The following PARD3B variants were observed in gnomAD, a reference collection of about 807,000 sequenced individuals.
PARD3B encodes par-3 family cell polarity regulator beta.
Under a neutral mutation model 130.2 loss-of-function variants are expected in PARD3B, and 103 were observed. The ratio of observed to expected loss-of-function variants is 0.79; its 90% CI spans 0.67 to 0.93. The LOEUF (loss-of-function observed/expected upper bound fraction) is 0.93. Ranked by LOEUF, PARD3B falls within the 40% of genes least tolerant of loss-of-function variation. The probability of loss-of-function intolerance (pLI) is 0.00; values close to 1 mark genes in which losing one functional copy is unlikely to be tolerated. For synonymous variants in PARD3B, 583 were observed against 553.2 expected (o/e 1.05, Z -0.76); for missense variants, 1,609 against 1,499.2 (o/e 1.07, Z -1.21).
chr2:205,273,236 C>CA (rs1237707529), intron 16 of PARD3B, among the ~76,000 whole-genome samples: 13 of 152,180 alleles, frequency 8.5e-5, no homozygotes, highest in African/African-American at 2.9e-4. Context: ...GCTAACTATT[C>CA]ATATATACAA....
At chr2:204,955,712 A>G (rs1356070654) in intron 2 of PARD3B, among the ~76,000 whole-genome samples, 1 of 152,212 alleles carries the variant, frequency 6.6e-6, no homozygotes, top group Non-Finnish European at 1.5e-5. Flanking sequence ...AAAATAATAC[A>G]TTTCAGCACT....
chr2:204,643,829 T>C (rs968686434), intron 1 of PARD3B, among the ~76,000 whole-genome samples: 1 of 152,198 alleles, frequency 6.6e-6, no homozygotes, highest in African/African-American at 2.4e-5. Flanking sequence ...AGTTCATATA[T>C]GCAGTGCTTT....
intron 3 of PARD3B, among the ~76,000 whole-genome samples, chr2:205,030,421 GT>G (rs977792856): frequency 2.6e-5 from 4 of 152,050 alleles, no homozygotes; most frequent in Non-Finnish European, 4.4e-5. Flanking sequence ...TTAGAGATAG[GT>G]CCACCAGTCA....
At chr2:205,306,723 G>C (rs1479472840) in intron 18 of PARD3B, among the ~76,000 whole-genome samples, 1 of 152,180 alleles carries the variant, frequency 6.6e-6, no homozygotes, top group African/African-American at 2.4e-5. Flanking sequence ...TTTATCTTCT[G>C]TGTAAAAATA....
intron 2 of PARD3B, among the ~76,000 whole-genome samples, chr2:204,785,296 T>A (rs1306940452): frequency 6.6e-6 from 1 of 152,144 alleles, no homozygotes; most frequent in African/African-American, 2.4e-5. Flanking sequence ...TATAAATGCA[T>A]CTGTTCCCCG....
chr2:204,864,741 G>C (rs2045343696), intron 2 of PARD3B, among the ~76,000 whole-genome samples: 1 of 152,126 alleles, frequency 6.6e-6, no homozygotes, highest in Non-Finnish European at 1.5e-5. Context: ...GACATTGTCT[G>C]ATTTTCTTAC....
intron 1 of PARD3B, among the ~76,000 whole-genome samples, chr2:204,666,899 A>G: frequency 6.6e-6 from 1 of 152,182 alleles, no homozygotes; most frequent in East Asian, 1.9e-4. Flanking sequence ...AAACAGAGAT[A>G]TGGAAAAGTA....
At chr2:204,629,215 C>G (rs1474533404) in intron 1 of PARD3B, among the ~76,000 whole-genome samples, 1 of 152,136 alleles carries the variant, frequency 6.6e-6, no homozygotes, top group Admixed American at 6.6e-5. Context: ...CCTATAGAAA[C>G]TTTAAGTGGA....
intron 13 of PARD3B, among the ~76,000 whole-genome samples, chr2:205,182,146 G>T (rs1433005976): frequency 6.6e-6 from 1 of 152,102 alleles, no homozygotes; most frequent in Non-Finnish European, 1.5e-5. Flanking sequence ...CAAAAAATTA[G>T]CTGGGCTTGG....
intron 2 of PARD3B, among the ~76,000 whole-genome samples, chr2:204,795,905 G>A (rs1331571207): frequency 6.6e-6 from 1 of 151,966 alleles, no homozygotes; most frequent in African/African-American, 2.4e-5. Context: ...TATGAATCCT[G>A]TCATTTTTGT....
At chr2:204,700,275 A>G (rs2037828019) in intron 2 of PARD3B, among the ~76,000 whole-genome samples, 1 of 152,104 alleles carries the variant, frequency 6.6e-6, no homozygotes. Flanking sequence ...CAGCTATAGC[A>G]TCTGATAGCC....
At chr2:205,037,769 G>T (rs1343148470) in intron 3 of PARD3B, among the ~76,000 whole-genome samples, 2 of 151,810 alleles carry the variant, frequency 1.3e-5, no homozygotes. Flanking sequence ...CCAATGGGAG[G>T]AAGAGTAGTA....
intron 5 of PARD3B, among the ~76,000 whole-genome samples, chr2:205,111,770 A>T (rs1000337011): frequency 6.6e-6 from 1 of 152,060 alleles, no homozygotes; most frequent in Non-Finnish European, 1.5e-5. Context: ...AAAACTATAA[A>T]AATATGTTAC....
chr2:204,984,704 G>C (rs1692978432), intron 3 of PARD3B, among the ~76,000 whole-genome samples: 1 of 152,020 alleles, frequency 6.6e-6, no homozygotes, highest in African/African-American at 2.4e-5. Context: ...TGGTTAGGAG[G>C]AGAAGGGCCA....
intron 2 of PARD3B, among the ~76,000 whole-genome samples, chr2:204,964,023 G>A (rs1306907458): frequency 6.6e-6 from 1 of 152,210 alleles, no homozygotes; most frequent in Non-Finnish European, 1.5e-5. Context: ...CTGCATTTCT[G>A]TTATTAATAA....
At chr2:205,358,654 G>T (rs1356497791) in intron 18 of PARD3B, among the ~76,000 whole-genome samples, 1 of 152,114 alleles carries the variant, frequency 6.6e-6, no homozygotes, top group Non-Finnish European at 1.5e-5. Context: ...CTTATTCTCA[G>T]ATTTAACCCT....
At chr2:204,630,952 GTCT>G (rs2034658480) in intron 1 of PARD3B, among the ~76,000 whole-genome samples, 1 of 151,824 alleles carries the variant, frequency 6.6e-6, no homozygotes, top group Non-Finnish European at 1.5e-5. Flanking sequence ...TTATGTCTCT[GTCT>G]TCTTCAGTTT....
rs58849154 is a variant in PARD3B at position 205,487,425 on chromosome 2, C to G, written c.3045-12471C>G. Among the ~76,000 whole-genome samples the G allele has an allele frequency of 6.6e-3, 1,001 of 150,962 alleles. 12 individuals carry two copies. The highest frequency in any genetic ancestry group is 0.023 in the African/African-American group (937 of 41,208). On this transcript the variant is annotated intron_variant, in intron 20 of 22. Coordinates refer to ENST00000406610, the MANE Select transcript of PARD3B (RefSeq NM_001302769.2). ...TTTTTCACTTTTCACTATGCACTAT[C>G]CTGACTGTTCTCTTCTAACTGACAT...
At chr2:204,686,343 G>A (rs769716468) in intron 2 of PARD3B, 61 bp downstream of exon 2, 37 of 1,233,882 alleles carry the variant, frequency 3.0e-5, no homozygotes, top group Middle Eastern at 1.9e-4. Flanking sequence ...GTTTTCAAGA[G>A]ACTGAAATCC....
Sources: gnomAD v4.1 joint callset for allele counts (sites outside exome capture counted in the v4.1 genomes callset) on GRCh38, gnomAD v4.1.1 for gene constraint, MANE v1.5 for transcripts, NCBI Gene and HGNC (gene_info 2026-07-23, HGNC 2026-07-21) for gene names.